The following ACTN2 variants were observed in gnomAD, a reference collection of about 807,000 sequenced individuals.
The protein encoded by ACTN2 is alpha-actinin-2.
ACTN2 carries 39 observed loss-of-function variants against 113.8 expected under a neutral mutation model. The observed-to-expected ratio is 0.34, with a 90% CI of 0.27 to 0.45. The LOEUF (loss-of-function observed/expected upper bound fraction) is 0.45, where lower values mean the gene tolerates loss of function less well. Ranked by LOEUF, ACTN2 falls within the 20% of genes least tolerant of loss-of-function variation. The pLI, the probability that ACTN2 is intolerant of heterozygous loss-of-function variation, is 1.00. For missense variants in ACTN2, 992 were observed against 1,177.9 expected (o/e 0.84, Z 2.31); for synonymous variants, 429 against 444.1 (o/e 0.97, Z 0.43).
chr1:236,738,432 A>G (rs1658958811), intron 9 of ACTN2, among the ~76,000 whole-genome samples: 1 of 152,276 alleles, frequency 6.6e-6, no homozygotes, highest in South Asian at 2.1e-4. Flanking sequence ...TACTGCTGCT[A>G]TAGAAAAATT....
rs771090064 is a variant in ACTN2 at position 236,717,984 on chromosome 1, A to T, written c.241+12A>T. 33 of 1,584,806 alleles carry T rather than the reference A, an allele frequency of 2.1e-5. No individual in the cohort carries two copies. The East Asian group carries it at 6.7e-4, about 32-fold the overall frequency. Reference sequence around the variant, plus strand: ...GGAAGTCATCTCAGGTTGGTGTTATATATCCCATCCTATGCTTTCATGTGT... The same window carrying T: ...GGAAGTCATCTCAGGTTGGTGTTATTTATCCCATCCTATGCTTTCATGTGT... On this transcript the variant is annotated intron_variant, in intron 2 of 20. Coordinates refer to ENST00000366578, the MANE Select transcript of ACTN2 (RefSeq NM_001103.4).
At chr1:236,720,284 C>G (rs571307750) in intron 4 of ACTN2, 93 bp downstream of exon 4, 1 of 1,027,700 alleles carries the variant, frequency 9.7e-7, no homozygotes, top group South Asian at 1.3e-5. Flanking sequence ...CCAACAGTCA[C>G]TTACATGATT....
At chr1:236,691,697 A>G (rs553958588) in intron 1 of ACTN2, among the ~76,000 whole-genome samples, 101 of 152,326 alleles carry the variant, frequency 6.6e-4, no homozygotes, top group African/African-American at 2.3e-3. Flanking sequence ...CTTTGACACT[A>G]TCAAAGCCCT....
In ACTN2 at chr1:236,755,205, C is replaced by G; in HGVS notation, c.2154+7C>G. 6.2e-7 allele frequency: 1 copy of G among 1,614,062 alleles called. No homozygotes were observed. ...CACGAACTACACGATGGAGGTACGG[C>G]AGCCAGACAGGCGTGTGCCGCTCAC... On this transcript the variant is annotated splice_region_variant and intron_variant, in intron 17 of 20. Coordinates refer to ENST00000366578, the MANE Select transcript of ACTN2 (RefSeq NM_001103.4).
chr1:236,736,339 C>A (rs912154532), intron 8 of ACTN2, among the ~76,000 whole-genome samples: 1 of 152,210 alleles, frequency 6.6e-6, no homozygotes, highest in Admixed American at 6.5e-5. Flanking sequence ...ATTTCAGTGA[C>A]CGCTGTGAAG....
At chr1:236,760,898 T>G in intron 19 of ACTN2, 117 bp from the exon 20 acceptor site, 1 of 1,311,564 alleles carries the variant, frequency 7.6e-7, no homozygotes, top group Non-Finnish European at 1.1e-6. Flanking sequence ...GAAACGCAGG[T>G]AATAATTCAG....
chr1:236,758,303 A>ATTTTTTTTTT (rs1349813845), intron 18 of ACTN2, among the ~76,000 whole-genome samples: 4,001 of 134,984 alleles, frequency 0.03, 183 homozygotes, highest in Middle Eastern at 0.083. Context: ...TTTTTTTTTA[A>ATTTTTTTTTT]TGAGACGGAG....
rs1377651033 is a variant in ACTN2 at position 236,751,479 on chromosome 1, A to G, written c.1666A>G (p.Thr556Ala). 1.2e-6 allele frequency: 2 copies of G among 1,614,068 alleles called. No individual in the cohort carries two copies. The highest frequency in any genetic ancestry group is 1.1e-5 in the South Asian group (1 of 91,076). ...HSIEEIQSLI[T>A]AHEQFKATLP... ...TGTGTCTCGGGTGTAGAGTCTGATC[A>G]CTGCGCATGAGCAGTTCAAGGCCAC... The change falls in exon 15 of 21, where the codon ACT becomes GCT. Residue 556 changes from threonine (T) to alanine (A), a missense_variant. Thr to Ala is a moderately conservative substitution (Grantham distance 58). This residue lies in a region of ACTN2 where 736 missense variants were observed against 815.4 expected (regional missense o/e 0.90). Transcript: ENST00000366578.
chr1:236,725,069 A>G (rs1658510854), intron 4 of ACTN2, among the ~76,000 whole-genome samples: 1 of 152,084 alleles, frequency 6.6e-6, no homozygotes, highest in Admixed American at 6.6e-5. Flanking sequence ...ACTGTAGACT[A>G]TTTATGTTTG....
chr1:236,737,953 AGT>A (rs1284911588), intron 9 of ACTN2, among the ~76,000 whole-genome samples: 1 of 152,242 alleles, frequency 6.6e-6, no homozygotes, highest in Non-Finnish European at 1.5e-5. Flanking sequence ...ACTCAAGTAC[AGT>A]GACACATACT....
Position 236,755,165 on chromosome 1 carries a change from C to T in ACTN2, c.2121C>T (p.Val707=). ...ATCAGCTCATCCAGGAGGCCCTTGT[C>T]TTTGACAACAAGCACACGAACTACA... The part of the protein sequence containing the change: ...GDHQLIQEAL[V]FDNKHTNYTM... The change falls in exon 17 of 21, where the codon GTC becomes GTT. Residue 707 remains valine (V), a synonymous_variant. Transcript: ENST00000366578. 1 of 1,614,134 alleles carries T rather than the reference C, an allele frequency of 6.2e-7. No homozygotes were observed. Among genetic ancestry groups the T allele is most frequent in the African/African-American group, 1.3e-5 (1 of 75,022 alleles).
chr1:236,720,607 C>CTCTTTTTCTTTTTTCT (rs1029150314), intron 4 of ACTN2, among the ~76,000 whole-genome samples: 1 of 152,164 alleles, frequency 6.6e-6, no homozygotes, highest in African/African-American at 2.4e-5. Flanking sequence ...CTCTCTCCCT[C>CTCTTTTTCTTTTTTCT]TCTTTTTCTT....
chr1:236,730,599 C>A (rs956662812), intron 6 of ACTN2, among the ~76,000 whole-genome samples: 1 of 151,956 alleles, frequency 6.6e-6, no homozygotes, highest in Non-Finnish European at 1.5e-5. Context: ...TAGTTATATA[C>A]CTCTGGTTAA....
chr1:236,734,569 A>G, intron 7 of ACTN2: 1 of 1,369,702 alleles, frequency 7.3e-7, no homozygotes, highest in East Asian at 2.5e-5. Flanking sequence ...TCTGTGTCTT[A>G]ATTTTTTTTC....
chr1:236,686,654 G>T lies in ACTN2; in HGVS notation c.-20G>T. The stretch of plus-strand genomic sequence containing the variant: ...TCCGAGCCCCTCGCGCCCCGCCGCA[G>T]CCCCGGCCAACCGAGCGCCATGAAC... On this transcript the variant is annotated 5_prime_UTR_variant, in exon 1 of 21. Transcript: ENST00000366578. 1.3e-6 allele frequency: 2 copies of T among 1,547,170 alleles called. No homozygotes were observed. Among genetic ancestry groups the T allele is most frequent in the Non-Finnish European group, 1.7e-6 (2 of 1,146,932 alleles).
In ACTN2 at chr1:236,763,882, A is replaced by G. The variant is rs1426301969; in HGVS notation, c.*1263A>G. The G allele has an allele frequency of 2.6e-5, 4 of 152,230 alleles. No individual in the cohort carries two copies. The highest frequency in any genetic ancestry group is 9.6e-5 in the African/African-American group (4 of 41,452). 9.4% of individuals were successfully genotyped at this position (152,230 alleles called of 1,614,324 possible). A position where few individuals can be genotyped will look rare whatever the true frequency, so the allele number is the denominator to read the frequency against. ...CTTTTTGCTCATACTGCTGTAGGCT[A>G]TAATTCCCCCCTGTTTTTCCATCTT... On this transcript the variant is annotated 3_prime_UTR_variant, in exon 21 of 21. Transcript: ENST00000366578.
At position 236,686,811 on chromosome 1, in the gene ACTN2, C is replaced by G; in HGVS notation, c.126+12C>G. On this transcript the variant is annotated intron_variant, in intron 1 of 20. Transcript: ENST00000366578. ...AGCAGCAGAGGAAGGTCAGCAGGGG[C>G]CCGCGGGCCGCCCGCGCGTGGTGGG... 1.3e-6 allele frequency: 2 copies of G among 1,483,442 alleles called. No homozygotes were observed. Among genetic ancestry groups the G allele is most frequent in the South Asian group, 2.7e-5 (2 of 73,276 alleles). The allele number at this position is 1,483,442 out of a possible 1,614,324, so 91.9% of individuals were successfully genotyped here.
intron 1 of ACTN2, among the ~76,000 whole-genome samples, chr1:236,715,006 T>A (rs1382917965): frequency 1.4e-5 from 2 of 146,434 alleles, no homozygotes; most frequent in Non-Finnish European, 3.0e-5. Context: ...CCTCACTGTG[T>A]GTTTATGTAT....
chr1:236,733,794 C>T (rs554961636), intron 7 of ACTN2, among the ~76,000 whole-genome samples: 37 of 152,266 alleles, frequency 2.4e-4, no homozygotes, highest in African/African-American at 8.4e-4. Context: ...CTTGCCTTCC[C>T]GTCTGCTGCC....
Sources: gnomAD v4.1 joint callset for allele counts (sites outside exome capture counted in the v4.1 genomes callset) on GRCh38, gnomAD v4.1.1 for gene constraint, gnomAD v4.1.1 regional missense constraint, MANE v1.5 for transcripts, NCBI Gene and HGNC (gene_info 2026-07-23, HGNC 2026-07-21) for gene names.